ATRNL1: variants seen among roughly 807,000 people sequenced by gnomAD.
ATRNL1 encodes attractin-like protein 1.
A neutral mutation model predicts 182.7 loss-of-function variants in ATRNL1; 95 were observed. That is an observed-to-expected ratio of 0.52 (90% CI 0.44 to 0.62). ATRNL1 has a LOEUF of 0.62. ATRNL1 is among the 20% of genes least tolerant of loss of function. The probability of loss-of-function intolerance (pLI) is 0.00; values close to 1 mark genes in which losing one functional copy is unlikely to be tolerated. For synonymous variants in ATRNL1, 576 were observed against 568.3 expected (o/e 1.01, Z -0.19); for missense variants, 1,471 against 1,679.5 (o/e 0.88, Z 2.17).
At chr10:115,422,541 T>C (rs1845695093) in intron 20 of ATRNL1, among the ~76,000 whole-genome samples, 1 of 152,170 alleles carries the variant, frequency 6.6e-6, no homozygotes, top group African/African-American at 2.4e-5. Flanking sequence ...TAACAGATGC[T>C]GGCAAGGTTG....
chr10:115,621,856 A>G (rs1285821786), intron 26 of ATRNL1, among the ~76,000 whole-genome samples: 1 of 152,212 alleles, frequency 6.6e-6, no homozygotes, highest in Non-Finnish European at 1.5e-5. Context: ...AAAAATGCAA[A>G]AAGTCTTTTG....
intron 17 of ATRNL1, among the ~76,000 whole-genome samples, chr10:115,311,298 T>A (rs1426451921): frequency 6.6e-6 from 1 of 151,242 alleles, no homozygotes; most frequent in Non-Finnish European, 1.5e-5. Flanking sequence ...CAAGCAATTC[T>A]CCTGCCTCAG....
chr10:115,242,611 T>C lies in ATRNL1; in HGVS notation c.1687+886T>C, dbSNP rs1186230098. 3.3e-5 allele frequency among the ~76,000 whole-genome samples: 5 copies of C among 152,128 alleles called. No homozygotes were observed. In the South Asian group the frequency reaches 1.0e-3, roughly 31 times the overall value. On this transcript the variant is annotated intron_variant, in intron 10 of 28. Coordinates refer to ENST00000355044, the MANE Select transcript of ATRNL1 (RefSeq NM_207303.4). ...CATTTAATAGATGTAAGAAGTATAC[T>C]TTTTCTCTTAAACCTCATAAAGGCA...
intron 25 of ATRNL1, among the ~76,000 whole-genome samples, chr10:115,532,450 G>A (rs1254171223): frequency 2.0e-5 from 3 of 152,138 alleles, no homozygotes; most frequent in South Asian, 2.1e-4. Flanking sequence ...GTATAAGAAT[G>A]CTTGTGATTT....
At chr10:115,367,297 C>T (rs1405478220) in intron 19 of ATRNL1, among the ~76,000 whole-genome samples, 2 of 138,964 alleles carry the variant, frequency 1.4e-5, no homozygotes, top group Non-Finnish European at 3.2e-5. Context: ...ACCCTTTCTT[C>T]CAGTTGATCG....
chr10:115,559,599 A>T (rs1853568931), intron 26 of ATRNL1, among the ~76,000 whole-genome samples: 2 of 152,198 alleles, frequency 1.3e-5, no homozygotes, highest in African/African-American at 2.4e-5. Flanking sequence ...TATTGCCTAG[A>T]TCTTGATTTC....
intron 1 of ATRNL1, chr10:115,096,869 C>A: frequency 2.8e-6 from 3 of 1,058,572 alleles, no homozygotes; most frequent in Non-Finnish European, 3.5e-6. Flanking sequence ...GATTTTTCAC[C>A]CAAAGCTAGA....
At chr10:115,348,792 G>T (rs910081637) in intron 19 of ATRNL1, among the ~76,000 whole-genome samples, 1 of 152,068 alleles carries the variant, frequency 6.6e-6, no homozygotes, top group Non-Finnish European at 1.5e-5. Context: ...TCTGGTCTTG[G>T]AAGGTCTTTC....
At chr10:115,607,041 CT>C (rs1856911267) in intron 26 of ATRNL1, among the ~76,000 whole-genome samples, 2 of 151,956 alleles carry the variant, frequency 1.3e-5, no homozygotes, top group African/African-American at 2.4e-5. Flanking sequence ...TTCTCAATGA[CT>C]TTTTACTCAA....
intron 26 of ATRNL1, among the ~76,000 whole-genome samples, chr10:115,616,512 A>T (rs1387160612): frequency 6.6e-6 from 1 of 152,206 alleles, no homozygotes; most frequent in African/African-American, 2.4e-5. Context: ...AGTAGCCAAG[A>T]CAATGGGAAA....
intron 26 of ATRNL1, among the ~76,000 whole-genome samples, chr10:115,720,568 A>G (rs782515731): frequency 6.6e-6 from 1 of 152,210 alleles, no homozygotes; most frequent in Non-Finnish European, 1.5e-5. Flanking sequence ...GACAATTTCC[A>G]GAGTTCCATG....
At chr10:115,155,394 A>C (rs1384331483) in intron 5 of ATRNL1, among the ~76,000 whole-genome samples, 1 of 152,122 alleles carries the variant, frequency 6.6e-6, no homozygotes, top group African/African-American at 2.4e-5. Context: ...CAAAGTTACT[A>C]TTATGAAGCA....
intron 12 of ATRNL1, among the ~76,000 whole-genome samples, chr10:115,267,741 C>A (rs1459796798): frequency 6.6e-6 from 1 of 151,688 alleles, no homozygotes; most frequent in Non-Finnish European, 1.5e-5. Context: ...ATATGTAAAT[C>A]CTTTGACTTT....
intron 27 of ATRNL1, among the ~76,000 whole-genome samples, chr10:115,775,496 A>G (rs1414583796): frequency 6.6e-6 from 1 of 152,224 alleles, no homozygotes; most frequent in African/African-American, 2.4e-5. Context: ...ATTACCCAAT[A>G]TAACAAAATT....
intron 27 of ATRNL1, among the ~76,000 whole-genome samples, chr10:115,795,496 C>T (rs1256159022): frequency 2.0e-5 from 3 of 152,084 alleles, no homozygotes; most frequent in East Asian, 3.9e-4. Context: ...TGTATTAGTC[C>T]GTTCTCACAC....
At chr10:115,857,051 G>A (rs1381750154) in intron 28 of ATRNL1, among the ~76,000 whole-genome samples, 2 of 151,632 alleles carry the variant, frequency 1.3e-5, no homozygotes, top group Non-Finnish European at 2.9e-5. Flanking sequence ...AAGACAATTA[G>A]GATAAAAATC....
intron 27 of ATRNL1, among the ~76,000 whole-genome samples, chr10:115,786,531 T>C (rs1346150293): frequency 2.0e-5 from 3 of 152,206 alleles, no homozygotes; most frequent in African/African-American, 7.2e-5. Context: ...GCACTTCCTC[T>C]TCCTTCTTAT....
chr10:115,650,298 C>T (rs189089813), intron 26 of ATRNL1, among the ~76,000 whole-genome samples: 6 of 152,196 alleles, frequency 3.9e-5, no homozygotes, highest in Admixed American at 1.3e-4. Context: ...CACGATTGGA[C>T]ATGATTGTTC....
intron 28 of ATRNL1, among the ~76,000 whole-genome samples, chr10:115,927,561 T>C (rs575161443): frequency 3.9e-5 from 6 of 152,228 alleles, no homozygotes; most frequent in African/African-American, 1.2e-4. Flanking sequence ...AAGATGATCT[T>C]TAGCTTCAAC....
Sources: allele counts gnomAD v4.1 joint callset (sites outside exome capture counted in the v4.1 genomes callset), GRCh38; gene constraint gnomAD v4.1.1; transcripts MANE v1.5; gene names NCBI Gene and HGNC (gene_info 2026-07-23, HGNC 2026-07-21).